The following TMEM131 variants were observed in gnomAD, a reference collection of about 807,000 sequenced individuals.
The protein encoded by TMEM131 is transmembrane protein 131.
A neutral mutation model predicts 211.6 loss-of-function variants in TMEM131; 66 were observed. That is an observed-to-expected ratio of 0.31 (90% CI 0.26 to 0.38). The LOEUF is 0.38. TMEM131 is among the 10% of genes least tolerant of loss of function. The pLI is 1.00. For synonymous variants in TMEM131, 844 were observed against 841.3 expected (o/e 1.00, Z -0.06); for missense variants, 2,036 against 2,299.3 (o/e 0.89, Z 2.34).
chr2:97,761,904 A>G (rs907409648), intron 36 of TMEM131, 131 bp downstream of exon 36: 2 of 1,094,798 alleles, frequency 1.8e-6, no homozygotes, highest in African/African-American at 3.2e-5. Flanking sequence ...AAGGGTCCAC[A>G]CAAGCTGGCA....
In TMEM131 at chr2:97,810,846, A is replaced by T. The variant is rs559224224; in HGVS notation, c.1968+282T>A. Reference sequence around the variant, plus strand: ...ACTCAGCTGGGGTCTGTGCAATGATATAACCATCTGTTTAAGCAGGTTTCT... The same window carrying T: ...ACTCAGCTGGGGTCTGTGCAATGATTTAACCATCTGTTTAAGCAGGTTTCT... On this transcript the variant is annotated intron_variant, in intron 18 of 40. Coordinates refer to ENST00000186436, the MANE Select transcript of TMEM131 (RefSeq NM_015348.2). Among the ~76,000 whole-genome samples, 11 of 152,322 alleles carry T rather than the reference A, an allele frequency of 7.2e-5. No individual in the cohort carries two copies. In the South Asian group the frequency reaches 2.1e-3, roughly 29 times the overall value.
chr2:97,775,296 C>T (rs1679669121), intron 32 of TMEM131, among the ~76,000 whole-genome samples: 1 of 152,092 alleles, frequency 6.6e-6, no homozygotes, highest in Admixed American at 6.5e-5. Flanking sequence ...CTGATGTGTC[C>T]TGGGCTGGGC....
At chr2:97,957,096 CAAA>C (rs34518893) in intron 1 of TMEM131, among the ~76,000 whole-genome samples, 1 of 116,402 alleles carries the variant, frequency 8.6e-6, no homozygotes. Flanking sequence ...GACTCCGTCT[CAAA>C]AAAAAAAAAA....
Position 97,881,101 on chromosome 2 carries a change from G to T in TMEM131, c.359+6951C>A, listed in dbSNP as rs1674906914. Among the ~76,000 whole-genome samples, 2 of 152,146 alleles carry T rather than the reference G, an allele frequency of 1.3e-5. 1 individual carries two copies. Among genetic ancestry groups the T allele is most frequent in the Non-Finnish European group, 2.9e-5 (2 of 68,016 alleles). On this transcript the variant is annotated intron_variant, in intron 4 of 40. Transcript: ENST00000186436. Reference sequence around the variant, plus strand: ...TTCTTTCCATCTTTCCACTCTGTTAGACCAGTTGCCTTTCATGACTGCATG... The same window carrying T: ...TTCTTTCCATCTTTCCACTCTGTTATACCAGTTGCCTTTCATGACTGCATG...
At chr2:97,837,045 C>T (rs1481069913) in intron 8 of TMEM131, 32 bp downstream of exon 8, 2 of 1,561,768 alleles carry the variant, frequency 1.3e-6, no homozygotes, top group East Asian at 2.2e-5. Context: ...TTCATGGGAG[C>T]ACACACAAGA....
At chr2:97,994,609 T>TA (rs1466469629) in intron 1 of TMEM131, among the ~76,000 whole-genome samples, 1 of 152,124 alleles carries the variant, frequency 6.6e-6, no homozygotes, top group Non-Finnish European at 1.5e-5. Flanking sequence ...GTTTTTTTTT[T>TA]AAACTATTCA....
At chr2:97,825,182 G>A (rs1458654602) in intron 11 of TMEM131, among the ~76,000 whole-genome samples, 1 of 152,184 alleles carries the variant, frequency 6.6e-6, no homozygotes, top group Admixed American at 6.5e-5. Flanking sequence ...CCATGATCTA[G>A]GCCACTTCTC....
In TMEM131 at chr2:97,796,480, T is replaced by G. The variant is rs957037539; in HGVS notation, c.3014-76A>C. The G allele has an allele frequency of 1.7e-4, 159 of 914,832 alleles. 1 individual carries two copies. The highest frequency in any genetic ancestry group is 2.1e-4 in the Non-Finnish European group (129 of 613,494). The allele number at this position is 914,832 out of a possible 1,614,324, so 56.7% of individuals were successfully genotyped here. A position where few individuals can be genotyped will look rare whatever the true frequency, so the allele number is the denominator to read the frequency against. On this transcript the variant is annotated intron_variant, in intron 27 of 40. Coordinates refer to ENST00000186436, the MANE Select transcript of TMEM131 (RefSeq NM_015348.2). ...CCAGTCCAAATGATAAATACATTATTCATGAATTACTATATGTCACAGGTT... is the reference window on the plus strand; with the variant it reads ...CCAGTCCAAATGATAAATACATTATGCATGAATTACTATATGTCACAGGTT...
At chr2:97,909,741 G>C (rs990776614) in intron 2 of TMEM131, among the ~76,000 whole-genome samples, 2 of 152,126 alleles carry the variant, frequency 1.3e-5, no homozygotes, top group Admixed American at 1.3e-4. Context: ...ATGCGTACTA[G>C]GTAAAGTGTA....
chr2:97,966,634 T>C (rs144359614), intron 1 of TMEM131, among the ~76,000 whole-genome samples: 49 of 152,232 alleles, frequency 3.2e-4, no homozygotes, highest in African/African-American at 1.1e-3. Context: ...TCAAGTTGGC[T>C]CACCTGGGAT....
chr2:97,864,330 T>C (rs1674183996), intron 4 of TMEM131, among the ~76,000 whole-genome samples: 1 of 152,094 alleles, frequency 6.6e-6, no homozygotes, highest in Non-Finnish European at 1.5e-5. Context: ...ACACGGTGAC[T>C]ACAGTTAAAA....
At chr2:97,798,829 G>A (rs1680891843) in intron 25 of TMEM131, among the ~76,000 whole-genome samples, 1 of 152,204 alleles carries the variant, frequency 6.6e-6, no homozygotes, top group African/African-American at 2.4e-5. Context: ...TATTCCAACT[G>A]CTTCAAGATG....
chr2:97,793,482 C>A lies in TMEM131; in HGVS notation c.3458G>T (p.Arg1153Leu). The stretch of plus-strand genomic sequence containing the variant: ...CGGGTTCGAGGCCTCAAAGGATAGC[C>A]GCCTTCGAAATGGCTCCCATATTCC... Reference protein sequence around the residue: ...AQGIWEPFRRRLSFEASNPPF... With the variant: ...AQGIWEPFRRLLSFEASNPPF... Residue 1153 changes from arginine (R) to leucine (L), a missense_variant, in exon 30 of 41, where the codon CGG becomes CTG. This residue lies in a region of TMEM131 where 1,623 missense variants were observed against 1,805.9 expected (regional missense o/e 0.90). Coordinates refer to ENST00000186436, the MANE Select transcript of TMEM131 (RefSeq NM_015348.2). The A allele has an allele frequency of 6.2e-7, 1 of 1,613,910 alleles. No homozygotes were observed. Among genetic ancestry groups the A allele is most frequent in the Non-Finnish European group, 8.5e-7 (1 of 1,179,880 alleles).
chr2:97,842,618 G>C (rs1683250592), intron 6 of TMEM131, among the ~76,000 whole-genome samples: 1 of 152,134 alleles, frequency 6.6e-6, no homozygotes. Context: ...GAGTGGCCTG[G>C]AAGACAGCAG....
intron 35 of TMEM131, chr2:97,765,076 T>G (rs1055224369): frequency 2.0e-5 from 3 of 152,190 alleles, no homozygotes; most frequent in African/African-American, 7.2e-5. Context: ...CAGGGGGCGC[T>G]AGGAAGCAGA....
chr2:97,769,304 T>A (rs35185431), intron 33 of TMEM131, among the ~76,000 whole-genome samples: 55,196 of 152,082 alleles, frequency 0.36, 11,011 homozygotes, highest in Middle Eastern at 0.55. Flanking sequence ...ATAATATATT[T>A]TCCTCCATTT....
chr2:97,985,682 A>AG (rs1466210556), intron 1 of TMEM131, among the ~76,000 whole-genome samples: 1 of 152,028 alleles, frequency 6.6e-6, no homozygotes, highest in East Asian at 1.9e-4. Flanking sequence ...CATATACATG[A>AG]GAAAAAAAAA....
chr2:97,981,028 C>CAAAAAAAAAAAAAAA lies in TMEM131; in HGVS notation c.187+14433_187+14447dup, dbSNP rs57606185. Among the ~76,000 whole-genome samples, 76 of 37,974 alleles carry CAAAAAAAAAAAAAAA rather than the reference C, an allele frequency of 2.0e-3. 5 individuals carry two copies. Among genetic ancestry groups the CAAAAAAAAAAAAAAA allele is most frequent in the Admixed American group, 2.2e-3 (5 of 2,280 alleles). 24.9% of individuals were successfully genotyped at this position (37,974 alleles called of 152,430 possible). ...TGCTGAAACTCACAGAACTACACAC[C>CAAAAAAAAAAAAAAA]AAAAAAAAAAAAAAAAAAAAAAAAA... is the stretch of plus-strand genomic sequence containing the variant. On this transcript the variant is annotated intron_variant, in intron 1 of 40. Transcript: ENST00000186436.
intron 11 of TMEM131, among the ~76,000 whole-genome samples, chr2:97,825,346 G>C (rs954475294): frequency 2.0e-5 from 3 of 152,206 alleles, no homozygotes; most frequent in Non-Finnish European, 2.9e-5. Context: ...TTTGCCTACA[G>C]CAGGTCAAAT....
Sources: allele counts gnomAD v4.1 joint callset (sites outside exome capture counted in the v4.1 genomes callset), GRCh38; gene constraint gnomAD v4.1.1; regional missense constraint gnomAD v4.1.1; transcripts MANE v1.5; gene names NCBI Gene and HGNC (gene_info 2026-07-23, HGNC 2026-07-21).